MARK1: variants seen among roughly 807,000 people sequenced by gnomAD.
MARK1 encodes serine/threonine-protein kinase MARK1.
Under a neutral mutation model 96.3 loss-of-function variants are expected in MARK1, and 40 were observed. The observed-to-expected ratio is 0.42, with a 90% CI of 0.32 to 0.54. MARK1 has a LOEUF of 0.54. MARK1 is among the 20% of genes least tolerant of loss of function. The pLI, the probability that MARK1 is intolerant of heterozygous loss-of-function variation, is 0.16. For synonymous variants in MARK1, 317 were observed against 341.2 expected (o/e 0.93, Z 0.78); for missense variants, 719 against 984.6 (o/e 0.73, Z 3.61).
chr1:220,546,767 G>T (rs1416382001), intron 1 of MARK1, among the ~76,000 whole-genome samples: 4 of 152,170 alleles, frequency 2.6e-5, no homozygotes, highest in Non-Finnish European at 5.9e-5. Flanking sequence ...GAGTTCAGGA[G>T]TTCCAGACCA....
chr1:220,546,692 G>A (rs1369170529), intron 1 of MARK1, among the ~76,000 whole-genome samples: 1 of 152,202 alleles, frequency 6.6e-6, no homozygotes, highest in Non-Finnish European at 1.5e-5. Context: ...CAACTAATTG[G>A]CTGGGTGCAG....
chr1:220,602,440 G>A (rs968821122), intron 5 of MARK1, among the ~76,000 whole-genome samples: 1 of 152,158 alleles, frequency 6.6e-6, no homozygotes, highest in Non-Finnish European at 1.5e-5. Flanking sequence ...TTACATTCTA[G>A]TTGGGGAAGT....
In MARK1 at chr1:220,603,937, A is replaced by T. The variant is rs186832142; in HGVS notation, c.425-130A>T. On this transcript the variant is annotated intron_variant, in intron 5 of 17. Coordinates refer to ENST00000366917, the MANE Select transcript of MARK1 (RefSeq NM_018650.5). ...TTTTCTATTCATGTGTTAGTTTGTAACTTACATAAACTAGCAGAAAATTGT... is the reference window on the plus strand; with the variant it reads ...TTTTCTATTCATGTGTTAGTTTGTATCTTACATAAACTAGCAGAAAATTGT... The T allele has an allele frequency of 1.8e-3, 917 of 508,174 alleles. 1 individual carries two copies. Among genetic ancestry groups the T allele is most frequent in the Admixed American group, 2.5e-3 (68 of 27,526 alleles). 31.5% of individuals were successfully genotyped at this position (508,174 alleles called of 1,614,324 possible).
At position 220,528,666 on chromosome 1, in the gene MARK1, TC is replaced by T; in HGVS notation, c.-152del. 1 of 566,174 alleles carries T rather than the reference TC, an allele frequency of 1.8e-6. No individual in the cohort carries two copies. Among genetic ancestry groups the T allele is most frequent in the Non-Finnish European group, 3.0e-6 (1 of 334,254 alleles). 35.1% of individuals were successfully genotyped at this position (566,174 alleles called of 1,614,324 possible). A position where few individuals can be genotyped will look rare whatever the true frequency, so the allele number is the denominator to read the frequency against. The stretch of plus-strand genomic sequence containing the variant: ...CTTCCTCCGCGTCCTCTTCCCTCTT[TC>T]CCCCGCCGGGGCCGCTTGTTGCACC... On this transcript the variant is annotated 5_prime_UTR_variant, in exon 1 of 18. Transcript: ENST00000366917.
At chr1:220,592,359 G>A (rs1207746886) in intron 3 of MARK1, among the ~76,000 whole-genome samples, 1 of 151,708 alleles carries the variant, frequency 6.6e-6, no homozygotes, top group African/African-American at 2.4e-5. Context: ...ACTTGGCAAG[G>A]ACCTATGTAC....
intron 1 of MARK1, among the ~76,000 whole-genome samples, chr1:220,544,475 C>T (rs1488176000): frequency 6.6e-6 from 1 of 152,238 alleles, no homozygotes; most frequent in East Asian, 1.9e-4. Context: ...TTCTGCCCTT[C>T]TGCCTTTCCA....
intron 1 of MARK1, among the ~76,000 whole-genome samples, chr1:220,566,609 G>A (rs1232106367): frequency 6.6e-6 from 1 of 151,920 alleles, no homozygotes; most frequent in Non-Finnish European, 1.5e-5. Context: ...AATTTGTGTG[G>A]GCATGTATGT....
intron 1 of MARK1, among the ~76,000 whole-genome samples, chr1:220,560,682 A>G (rs1338378454): frequency 2.6e-5 from 4 of 152,238 alleles, no homozygotes; most frequent in African/African-American, 4.8e-5. Flanking sequence ...TAAGCAGGAC[A>G]GAATGGACAA....
At chr1:220,595,455 G>A (rs758505728) in intron 3 of MARK1, among the ~76,000 whole-genome samples, 4 of 152,192 alleles carry the variant, frequency 2.6e-5, no homozygotes, top group Admixed American at 6.5e-5. Flanking sequence ...GACTCCCATT[G>A]TCCAAGGCTG....
intron 9 of MARK1, chr1:220,626,164 A>G (rs753978546): frequency 1.2e-5 from 7 of 595,524 alleles, no homozygotes; most frequent in Non-Finnish European, 2.3e-5. Flanking sequence ...CCATGCCAAG[A>G]AGCCTGAGGC....
Position 220,636,008 on chromosome 1 carries a change from A to G in MARK1, c.1452A>G (p.Lys484=), listed in dbSNP as rs767327330. The G allele has an allele frequency of 4.3e-6, 7 of 1,611,352 alleles. No individual in the cohort carries two copies. Among genetic ancestry groups the G allele is most frequent in the South Asian group, 1.1e-5 (1 of 90,506 alleles). The change falls in exon 13 of 18, where the codon AAA becomes AAG. Residue 484 remains lysine (K), a synonymous_variant. Transcript: ENST00000366917. Reference sequence around the variant, plus strand: ...CTCTTGTAGGGCCAGAGAGGAAAAAATCTTCAACTATTCCAAGTGTGAGTA... The same window carrying G: ...CTCTTGTAGGGCCAGAGAGGAAAAAGTCTTCAACTATTCCAAGTGTGAGTA... ...ASPLVGPERK[K]SSTIPSNNVY...
chr1:220,552,950 A>T (rs554619050), intron 1 of MARK1, among the ~76,000 whole-genome samples: 1 of 152,146 alleles, frequency 6.6e-6, no homozygotes, highest in African/African-American at 2.4e-5. Context: ...ATGTTCATCT[A>T]TGTTGCTGGG....
intron 13 of MARK1, among the ~76,000 whole-genome samples, chr1:220,643,681 C>T (rs1022659336): frequency 1.3e-5 from 2 of 152,126 alleles, no homozygotes; most frequent in Admixed American, 6.5e-5. Flanking sequence ...AGAGAAAGGC[C>T]AGGTCACTTA....
At chr1:220,631,769 A>C (rs376173811) in intron 10 of MARK1, among the ~76,000 whole-genome samples, 1 of 152,144 alleles carries the variant, frequency 6.6e-6, no homozygotes, top group Non-Finnish European at 1.5e-5. Context: ...TGGAAATTCA[A>C]ATCTCCCAAA....
At chr1:220,605,492 T>C (rs1666012538) in intron 6 of MARK1, among the ~76,000 whole-genome samples, 1 of 151,510 alleles carries the variant, frequency 6.6e-6, no homozygotes, top group East Asian at 1.9e-4. Context: ...TTTATTTTAT[T>C]TTATTTTATT....
At position 220,544,660 on chromosome 1, in the gene MARK1, T is replaced by G. The variant is rs184636834; in HGVS notation, c.51+15787T>G. ...TAAGACAGTGCCTTTAGTTTTAGGC[T>G]GAATCTTTCTCCTGAGAAAGTGTTA... On this transcript the variant is annotated intron_variant, in intron 1 of 17. Transcript: ENST00000366917. 2.0e-5 allele frequency among the ~76,000 whole-genome samples: 3 copies of G among 152,326 alleles called. No individual in the cohort carries two copies. In the East Asian group the frequency reaches 5.8e-4, roughly 29 times the overall value.
At chr1:220,603,507 G>A (rs1051382676) in intron 5 of MARK1, among the ~76,000 whole-genome samples, 1 of 152,044 alleles carries the variant, frequency 6.6e-6, no homozygotes, top group Admixed American at 6.6e-5. Flanking sequence ...ATTTAATTCT[G>A]TATAATTTGT....
At chr1:220,538,668 G>A (rs1001539268) in intron 1 of MARK1, among the ~76,000 whole-genome samples, 1 of 151,638 alleles carries the variant, frequency 6.6e-6, no homozygotes, top group South Asian at 2.1e-4. Flanking sequence ...GGGCAGTATG[G>A]CCATTTTCAC....
At chr1:220,658,182 C>CA (rs1357128147) in intron 17 of MARK1, among the ~76,000 whole-genome samples, 2 of 152,120 alleles carry the variant, frequency 1.3e-5, no homozygotes, top group Non-Finnish European at 2.9e-5. Flanking sequence ...ACAAATAACA[C>CA]AGAACAGGGA....
Sources: gnomAD v4.1 joint callset for allele counts (sites outside exome capture counted in the v4.1 genomes callset) on GRCh38, gnomAD v4.1.1 for gene constraint, MANE v1.5 for transcripts, NCBI Gene and HGNC (gene_info 2026-07-23, HGNC 2026-07-21) for gene names.